The following CCDC85A variants were observed in gnomAD, a reference collection of about 807,000 sequenced individuals.
The protein encoded by CCDC85A is coiled-coil domain containing 85A.
In CCDC85A, 38 loss-of-function variants were observed where a neutral mutation model predicts 50.2. The observed-to-expected ratio is 0.76, with a 90% CI of 0.58 to 0.99. The LOEUF (loss-of-function observed/expected upper bound fraction) is 0.99, where lower values mean the gene tolerates loss of function less well. CCDC85A is among the 50% of genes least tolerant of loss of function. CCDC85A has a pLI of 0.00. For synonymous variants in CCDC85A, 366 were observed against 301.4 expected (o/e 1.21, Z -2.22); for missense variants, 820 against 742.0 (o/e 1.11, Z -1.22).
intron 2 of CCDC85A, among the ~76,000 whole-genome samples, chr2:56,318,074 C>CATCA (rs1300877404): frequency 6.6e-6 from 1 of 152,134 alleles, no homozygotes; most frequent in East Asian, 1.9e-4. Flanking sequence ...CCTATCAATA[C>CATCA]ATCACTTCCT....
intron 2 of CCDC85A, among the ~76,000 whole-genome samples, chr2:56,260,486 A>T (rs893417640): frequency 6.6e-6 from 1 of 152,250 alleles, no homozygotes; most frequent in Non-Finnish European, 1.5e-5. Context: ...TTACACAAAC[A>T]TGATAAATTT....
rs1463936646 is a variant in CCDC85A, at chr2:56,193,202, G to A, written c.1002G>A (p.Gly334=). The part of the protein sequence containing the change: ...SSPEHARHSG[G]SPEHLQKHAL... ...CTGAACACGCCAGGCACAGTGGAGG[G>A]AGCCCGGAGCATCTTCAGAAACACG... Residue 334 remains glycine, a synonymous_variant, in exon 2 of 6, where the codon GGG becomes GGA. Transcript: ENST00000407595. 1 of 1,610,992 alleles carries A rather than the reference G, an allele frequency of 6.2e-7. No homozygotes were observed. Among genetic ancestry groups the A allele is most frequent in the East Asian group, 2.2e-5 (1 of 44,650 alleles).
At chr2:56,297,513 T>G (rs912892129) in intron 2 of CCDC85A, among the ~76,000 whole-genome samples, 2 of 152,120 alleles carry the variant, frequency 1.3e-5, no homozygotes, top group African/African-American at 4.8e-5. Context: ...CATTTGTGAT[T>G]TAGCTATTCA....
intron 2 of CCDC85A, among the ~76,000 whole-genome samples, chr2:56,267,219 G>A (rs1410698089): frequency 2.0e-5 from 3 of 151,964 alleles, no homozygotes; most frequent in Admixed American, 2.0e-4. Context: ...CAGACCCCAC[G>A]CTCTTGCCAG....
At chr2:56,351,993 GT>G (rs1674970996) in intron 3 of CCDC85A, among the ~76,000 whole-genome samples, 1 of 152,126 alleles carries the variant, frequency 6.6e-6, no homozygotes, top group South Asian at 2.1e-4. Flanking sequence ...TAGGTCTAAG[GT>G]TTAAGTCTTT....
intron 3 of CCDC85A, among the ~76,000 whole-genome samples, chr2:56,352,180 G>T (rs998479537): frequency 4.6e-5 from 7 of 152,052 alleles, no homozygotes; most frequent in African/African-American, 1.7e-4. Flanking sequence ...TTAAGTTGGT[G>T]CCTTCTGTAT....
intron 5 of CCDC85A, among the ~76,000 whole-genome samples, chr2:56,377,690 C>G (rs1573373530): frequency 6.6e-6 from 1 of 152,148 alleles, no homozygotes; most frequent in South Asian, 2.1e-4. Context: ...AGTTTGAGAC[C>G]AGCCTGGCCA....
intron 2 of CCDC85A, among the ~76,000 whole-genome samples, chr2:56,195,189 ACT>A (rs1676477543): frequency 6.6e-6 from 1 of 152,092 alleles, no homozygotes; most frequent in African/African-American, 2.4e-5. Context: ...TATATAAAGA[ACT>A]CTAGTTTAAT....
At chr2:56,288,498 T>G (rs1671549945) in intron 2 of CCDC85A, among the ~76,000 whole-genome samples, 1 of 152,210 alleles carries the variant, frequency 6.6e-6, no homozygotes, top group Admixed American at 6.5e-5. Flanking sequence ...AAATTAGTTA[T>G]GTCTGCATGC....
Position 56,184,410 on chromosome 2 carries a change from C to T in CCDC85A, c.-215C>T. 1.9e-6 allele frequency: 1 copy of T among 532,516 alleles called. No individual in the cohort carries two copies. The highest frequency in any genetic ancestry group is 2.7e-6 in the Non-Finnish European group (1 of 365,296). 33.0% of individuals were successfully genotyped at this position (532,516 alleles called of 1,614,324 possible). On this transcript the variant is annotated 5_prime_UTR_variant, in exon 1 of 6. Coordinates refer to ENST00000407595, the MANE Select transcript of CCDC85A (RefSeq NM_001080433.2). Reference sequence around the variant, plus strand: ...TCGGCAGCAGCAAGCGGCTGGCTGCCGGGCCCTGGGGGAGCGCGGGCGCGC... The same window carrying T: ...TCGGCAGCAGCAAGCGGCTGGCTGCTGGGCCCTGGGGGAGCGCGGGCGCGC...
intron 5 of CCDC85A, among the ~76,000 whole-genome samples, chr2:56,380,785 G>C (rs745904958): frequency 1.3e-5 from 2 of 152,046 alleles, no homozygotes; most frequent in Admixed American, 6.6e-5. Context: ...AATATAAATT[G>C]TGAGGCTTTA....
intron 2 of CCDC85A, among the ~76,000 whole-genome samples, chr2:56,278,741 T>C (rs1221441638): frequency 6.6e-6 from 1 of 152,058 alleles, no homozygotes; most frequent in Non-Finnish European, 1.5e-5. Context: ...GCCCGGCTAA[T>C]TTCTGTGTTT....
intron 5 of CCDC85A, among the ~76,000 whole-genome samples, chr2:56,381,092 G>A (rs942676219): frequency 2.0e-5 from 3 of 151,994 alleles, no homozygotes; most frequent in African/African-American, 7.2e-5. Context: ...GAGACTTGTA[G>A]TCTCTTGCTT....
intron 1 of CCDC85A, among the ~76,000 whole-genome samples, chr2:56,191,663 G>A (rs1676300171): frequency 6.6e-6 from 1 of 152,300 alleles, no homozygotes; most frequent in African/African-American, 2.4e-5. Context: ...AGAAAGAGGG[G>A]GCATTTGCTG....
At chr2:56,197,287 A>G (rs1676563087) in intron 2 of CCDC85A, among the ~76,000 whole-genome samples, 1 of 152,102 alleles carries the variant, frequency 6.6e-6, no homozygotes. Context: ...AAGGAGGTTC[A>G]GTAGCATCCC....
intron 2 of CCDC85A, among the ~76,000 whole-genome samples, chr2:56,291,100 C>T (rs982922598): frequency 3.3e-5 from 5 of 152,208 alleles, no homozygotes; most frequent in African/African-American, 7.2e-5. Flanking sequence ...TGTGAAACTT[C>T]GGTTTTTGTA....
At chr2:56,377,793 CAGG>C (rs763863326) in intron 5 of CCDC85A, among the ~76,000 whole-genome samples, 15 of 150,848 alleles carry the variant, frequency 9.9e-5, no homozygotes, top group Non-Finnish European at 1.8e-4. Context: ...GAGGCTGAGG[CAGG>C]AGAATTGCTT....
intron 2 of CCDC85A, among the ~76,000 whole-genome samples, chr2:56,315,788 A>G (rs1012064749): frequency 6.6e-6 from 1 of 152,122 alleles, no homozygotes; most frequent in Admixed American, 6.6e-5. Context: ...CACACAAGCA[A>G]CTCAAACCTT....
At chr2:56,360,180 T>C (rs1675451266) in intron 3 of CCDC85A, among the ~76,000 whole-genome samples, 1 of 152,244 alleles carries the variant, frequency 6.6e-6, no homozygotes, top group Non-Finnish European at 1.5e-5. Context: ...ATTAACCAAA[T>C]GCATTCACAA....
Sources: allele counts gnomAD v4.1 joint callset (sites outside exome capture counted in the v4.1 genomes callset), GRCh38; gene constraint gnomAD v4.1.1; transcripts MANE v1.5; gene names NCBI Gene and HGNC (gene_info 2026-07-23, HGNC 2026-07-21).